Variants in HVCN1 observed in about 807,000 individuals in gnomAD.
HVCN1 encodes hydrogen voltage gated channel 1.
In HVCN1, 14 loss-of-function variants were observed where a neutral mutation model predicts 29.2. The ratio of observed to expected loss-of-function variants is 0.48; its 90% CI spans 0.32 to 0.75. The LOEUF (loss-of-function observed/expected upper bound fraction) is 0.75. Ranked by LOEUF, HVCN1 falls within the 30% of genes least tolerant of loss-of-function variation. HVCN1 has a pLI of 0.04. For synonymous variants in HVCN1, 131 were observed against 133.2 expected (o/e 0.98, Z 0.11); for missense variants, 263 against 341.8 (o/e 0.77, Z 1.82).
At position 110,661,045 on chromosome 12, in the gene HVCN1, G is replaced by A. The variant is rs1197066246; in HGVS notation, c.306+119C>T. ...GTCCCCGGCACGTGGTAGGTGCTGG[G>A]CAAACACTCGTAGAATGAATGAGGC... is the stretch of plus-strand genomic sequence containing the variant. On this transcript the variant is annotated intron_variant, in intron 4 of 7. Transcript: ENST00000242607. This position sits in a 1 kb window ranked among gnomAD's most constrained non-coding sequence, Gnocchi z 6.2. 1 of 974,362 alleles carries A rather than the reference G, an allele frequency of 1.0e-6. No individual in the cohort carries two copies. The highest frequency in any genetic ancestry group is 1.6e-6 in the Non-Finnish European group (1 of 639,714). The allele number at this position is 974,362 out of a possible 1,614,324, so 60.4% of individuals were successfully genotyped here. A position where few individuals can be genotyped will look rare whatever the true frequency, so the allele number is the denominator to read the frequency against.
chr12:110,696,494 T>C (rs2136507779), intron 2 of HVCN1, among the ~76,000 whole-genome samples: 1 of 151,866 alleles, frequency 6.6e-6, no homozygotes, highest in Non-Finnish European at 1.5e-5. Context: ...GCAGGAGGAT[T>C]GCTTGAGCCC....
chr12:110,661,475 G>A lies in HVCN1; in HGVS notation c.22-27C>T, dbSNP rs771410964. The A allele has an allele frequency of 1.9e-6, 3 of 1,605,434 alleles. No homozygotes were observed. The South Asian group carries it at 3.3e-5, about 18-fold the overall frequency. ...TAGAAGGCGGGGACAGAGAGCAAGA[G>A]CTTCAGGCAGTTGGCCACTCAGAGC... On this transcript the variant is annotated intron_variant, in intron 3 of 7. Transcript: ENST00000242607. The surrounding 1 kb of genome is among the most constrained non-coding windows in gnomAD (Gnocchi z 6.2).
chr12:110,690,978 CT>C (rs1566069070), upstream of HVCN1, among the ~76,000 whole-genome samples: 1 of 151,958 alleles, frequency 6.6e-6, no homozygotes, highest in Non-Finnish European at 1.5e-5. Flanking sequence ...TGGTCTCGAA[CT>C]TCTGACCTCA....
intron 3 of HVCN1, among the ~76,000 whole-genome samples, chr12:110,681,313 G>A (rs2068961348): frequency 6.6e-6 from 1 of 151,794 alleles, no homozygotes; most frequent in Non-Finnish European, 1.5e-5. Context: ...CTTTTTTATG[G>A]GTTCTTTTCC....
intron 3 of HVCN1, among the ~76,000 whole-genome samples, chr12:110,673,986 T>C (rs1189833972): frequency 6.6e-6 from 1 of 152,204 alleles, no homozygotes; most frequent in Non-Finnish European, 1.5e-5. Context: ...GACCCCAGAA[T>C]GGTAGATCCA....
chr12:110,684,235 T>C (rs1229900145), intron 2 of HVCN1, among the ~76,000 whole-genome samples: 1 of 152,172 alleles, frequency 6.6e-6, no homozygotes, highest in East Asian at 1.9e-4. Flanking sequence ...ATATTATTAA[T>C]TTTAATACAA....
chr12:110,681,709 T>G (rs2068979791), intron 3 of HVCN1, among the ~76,000 whole-genome samples: 1 of 152,112 alleles, frequency 6.6e-6, no homozygotes. Context: ...CACATTTGCT[T>G]CTCAGACTCT....
rs1290831684 is a variant in HVCN1, at chr12:110,694,877, G to A, written c.-103-6169C>T. ...CCTCACAGTTCAGAGTCACACAGAA[G>A]AGTAGGAAGAACACAGGCATTGCAT... On this transcript the variant is annotated intron_variant, in intron 2 of 4. Coordinates refer to the HVCN1 transcript ENST00000546713. The surrounding 1 kb of genome is among the most constrained non-coding windows in gnomAD (Gnocchi z 4.6). Among the ~76,000 whole-genome samples, 2 of 152,230 alleles carry A rather than the reference G, an allele frequency of 1.3e-5. No individual in the cohort carries two copies. Among genetic ancestry groups the A allele is most frequent in the African/African-American group, 4.8e-5 (2 of 41,448 alleles).
At chr12:110,649,557 G>T in intron 7 of HVCN1, 82 bp from the exon 8 acceptor site, 1 of 978,496 alleles carries the variant, frequency 1.0e-6, no homozygotes. Context: ...TGAGCCCCAG[G>T]CACAGGACCA....
In HVCN1 at chr12:110,661,557, G is replaced by T; in HGVS notation, c.22-109C>A. The T allele has an allele frequency of 1.0e-6, 1 of 997,966 alleles. No homozygotes were observed. The highest frequency in any genetic ancestry group is 1.5e-6 in the Non-Finnish European group (1 of 679,338). The allele number at this position is 997,966 out of a possible 1,614,324, so 61.8% of individuals were successfully genotyped here. A position where few individuals can be genotyped will look rare whatever the true frequency, so the allele number is the denominator to read the frequency against. ...AGGTGAAGATGGTCCCGGGTGCGTA[G>T]AACCCCCTGCAAGCAGAGACCATGA... On this transcript the variant is annotated intron_variant, in intron 3 of 7. Transcript: ENST00000242607. This position sits in a 1 kb window ranked among gnomAD's most constrained non-coding sequence, Gnocchi z 6.2.
At chr12:110,668,340 A>G (rs908786752) in intron 3 of HVCN1, among the ~76,000 whole-genome samples, 4 of 152,138 alleles carry the variant, frequency 2.6e-5, no homozygotes, top group African/African-American at 9.7e-5. Context: ...CATCTCTATT[A>G]AAAACAAACA....
Position 110,651,323 on chromosome 12 carries a change from C to A in HVCN1, c.537G>T (p.Val179=), listed in dbSNP as rs751759696. 9.9e-6 allele frequency: 16 copies of A among 1,613,708 alleles called. No individual in the cohort carries two copies. The Admixed American group carries it at 2.7e-4, about 27-fold the overall frequency. The change falls in exon 6 of 8, where the codon GTG becomes GTT. Residue 179 remains valine, a synonymous_variant. Transcript: ENST00000242607. ...KFEILDAVVV[V]VSFILDIVLL... is the part of the protein sequence containing the mutation. ...GGACAATGTCGAGGATGAATGAGAC[C>A]ACCACCACGACGGCATCCAGGATCT...
intron 3 of HVCN1, among the ~76,000 whole-genome samples, chr12:110,663,670 C>T (rs1285326710): frequency 6.7e-6 from 1 of 149,936 alleles, no homozygotes; most frequent in Non-Finnish European, 1.5e-5. Flanking sequence ...TGAATATTCT[C>T]TGTTCATGTA....
At chr12:110,660,231 C>T (rs12818974) in intron 4 of HVCN1, among the ~76,000 whole-genome samples, 2,145 of 152,244 alleles carry the variant, frequency 0.014, 21 homozygotes, top group South Asian at 0.046. Context: ...GCAAAATTAG[C>T]CAGGCGTGGT....
intron 1 of HVCN1, among the ~76,000 whole-genome samples, chr12:110,703,612 AT>A (rs1300866693): frequency 6.7e-6 from 1 of 149,208 alleles, no homozygotes; most frequent in Non-Finnish European, 1.5e-5. Context: ...TTGTGTATAT[AT>A]TTGATTCTTT....
chr12:110,653,636 G>A (rs905708130), intron 5 of HVCN1, among the ~76,000 whole-genome samples: 2 of 152,118 alleles, frequency 1.3e-5, no homozygotes, highest in East Asian at 3.9e-4. Context: ...GAGGTCAGGA[G>A]TTCGATACCA....
upstream of HVCN1, among the ~76,000 whole-genome samples, chr12:110,691,339 A>G (rs2069403232): frequency 6.6e-6 from 1 of 152,236 alleles, no homozygotes; most frequent in Non-Finnish European, 1.5e-5. Context: ...CTGGGATTAC[A>G]GGCGTGAGCC....
chr12:110,660,462 G>T (rs1413981889), intron 4 of HVCN1, among the ~76,000 whole-genome samples: 1 of 152,250 alleles, frequency 6.6e-6, no homozygotes. Context: ...AGCGTGATGG[G>T]TCTCCATGAG....
At chr12:110,662,627 G>A (rs1005050320) in intron 3 of HVCN1, among the ~76,000 whole-genome samples, 2 of 152,160 alleles carry the variant, frequency 1.3e-5, no homozygotes, top group Admixed American at 1.3e-4. Context: ...ATCGCTTGAA[G>A]CTGGGAGGCG....
Sources: allele counts gnomAD v4.1 joint callset (sites outside exome capture counted in the v4.1 genomes callset), GRCh38; gene constraint gnomAD v4.1.1; non-coding constraint Gnocchi (gnomAD v3.1); transcripts MANE v1.5; gene names NCBI Gene and HGNC (gene_info 2026-07-23, HGNC 2026-07-21).